The following SLC10A7 variants were observed in gnomAD, a reference collection of about 807,000 sequenced individuals.
SLC10A7 encodes the protein solute carrier family 10 member 7, also known as sodium/bile acid cotransporter 7.
In SLC10A7, 29 loss-of-function variants were observed where a neutral mutation model predicts 43.2. The observed-to-expected ratio is 0.67, with a 90% CI of 0.50 to 0.92. SLC10A7 has a LOEUF of 0.92. Among genes scored for constraint, SLC10A7 ranks in the 40% least tolerant of loss-of-function variants. The pLI, the probability that SLC10A7 is intolerant of heterozygous loss-of-function variation, is 0.00. For missense variants in SLC10A7, 295 were observed against 403.2 expected (o/e 0.73, Z 2.30); for synonymous variants, 152 against 144.8 (o/e 1.05, Z -0.35).
chr4:146,441,560 T>C (rs1428386572), intron 5 of SLC10A7: 1 of 614,788 alleles, frequency 1.6e-6, no homozygotes. Context: ...GTTTTACAGA[T>C]ATTATTCTAT....
intron 5 of SLC10A7, among the ~76,000 whole-genome samples, chr4:146,441,218 A>G (rs1730572458): frequency 6.6e-6 from 1 of 152,204 alleles, no homozygotes; most frequent in Non-Finnish European, 1.5e-5. Context: ...GTGAGAATAC[A>G]CAGCTTCTTA....
chr4:146,362,551 C>A (rs1736119484), intron 5 of SLC10A7, among the ~76,000 whole-genome samples: 1 of 151,932 alleles, frequency 6.6e-6, no homozygotes, highest in South Asian at 2.1e-4. Context: ...TGTAAGTACA[C>A]AAATACAGAA....
At chr4:146,282,434 G>A (rs1042424877) in intron 10 of SLC10A7, among the ~76,000 whole-genome samples, 2 of 152,162 alleles carry the variant, frequency 1.3e-5, no homozygotes, top group South Asian at 2.1e-4. Context: ...GTGCTAAAAT[G>A]TAGAGAAATT....
At chr4:146,374,953 C>T (rs2149784083) in intron 5 of SLC10A7, among the ~76,000 whole-genome samples, 1 of 152,246 alleles carries the variant, frequency 6.6e-6, no homozygotes, top group East Asian at 1.9e-4. Context: ...CGCCTGTAAT[C>T]CTAGCACTTT....
At chr4:146,360,308 G>T (rs1735953862) in intron 5 of SLC10A7, among the ~76,000 whole-genome samples, 1 of 151,898 alleles carries the variant, frequency 6.6e-6, no homozygotes, top group African/African-American at 2.4e-5. Flanking sequence ...AGCCAGAATG[G>T]GCCTTCTAAG....
intron 5 of SLC10A7, 53 bp from the exon 6 acceptor site, chr4:146,326,049 C>T: frequency 2.6e-6 from 4 of 1,535,638 alleles, no homozygotes; most frequent in South Asian, 1.2e-5. Context: ...AAGCAGGACA[C>T]TTTCTTTGCC....
At chr4:146,288,834 A>C (rs1488807119) in intron 9 of SLC10A7, among the ~76,000 whole-genome samples, 1 of 152,086 alleles carries the variant, frequency 6.6e-6, no homozygotes, top group East Asian at 1.9e-4. Context: ...GATTCTTTTG[A>C]TCACTTTGCC....
chr4:146,427,399 C>T (rs951763050), intron 5 of SLC10A7, among the ~76,000 whole-genome samples: 2 of 152,060 alleles, frequency 1.3e-5, no homozygotes, highest in African/African-American at 2.4e-5. Context: ...TTTTTTAACA[C>T]TGGTTTGCAC....
intron 11 of SLC10A7, 57 bp from the exon 12 acceptor site, chr4:146,256,577 C>A: frequency 1.3e-6 from 2 of 1,552,766 alleles, no homozygotes; most frequent in Non-Finnish European, 1.8e-6. Context: ...AAAGTGAAAG[C>A]ATCAATTAAC....
At chr4:146,455,893 G>A (rs1443566049) in intron 4 of SLC10A7, among the ~76,000 whole-genome samples, 1 of 151,718 alleles carries the variant, frequency 6.6e-6, no homozygotes, top group African/African-American at 2.4e-5. Context: ...TCTAATGTTA[G>A]GTCCCCTGAG....
intron 5 of SLC10A7, among the ~76,000 whole-genome samples, chr4:146,430,698 G>C (rs1453370868): frequency 6.6e-6 from 1 of 152,068 alleles, no homozygotes; most frequent in Non-Finnish European, 1.5e-5. Context: ...TAGCAAAAAA[G>C]AAAGCTATAA....
At chr4:146,345,420 CAT>C (rs1466790347) in intron 5 of SLC10A7, among the ~76,000 whole-genome samples, 2 of 152,168 alleles carry the variant, frequency 1.3e-5, no homozygotes, top group African/African-American at 2.4e-5. Context: ...TGGTCTACAA[CAT>C]TCTGTATTAT....
At chr4:146,487,917 G>A (rs940284744) in intron 4 of SLC10A7, among the ~76,000 whole-genome samples, 2 of 151,812 alleles carry the variant, frequency 1.3e-5, no homozygotes, top group African/African-American at 4.8e-5. Flanking sequence ...AAATTAGACA[G>A]GCATAGTGGT....
intron 7 of SLC10A7, among the ~76,000 whole-genome samples, chr4:146,305,343 C>T (rs1363997641): frequency 4.7e-5 from 7 of 150,140 alleles, no homozygotes; most frequent in Non-Finnish European, 1.5e-5. Flanking sequence ...CCAAACACCA[C>T]ATATTCTCAC....
intron 5 of SLC10A7, among the ~76,000 whole-genome samples, chr4:146,344,204 T>C (rs1734457403): frequency 6.6e-6 from 1 of 152,044 alleles, no homozygotes; most frequent in Non-Finnish European, 1.5e-5. Context: ...CGGGAAGCTA[T>C]GCAGAAATCA....
chr4:146,335,093 T>A (rs1733786361), intron 5 of SLC10A7, among the ~76,000 whole-genome samples: 1 of 151,838 alleles, frequency 6.6e-6, no homozygotes, highest in Non-Finnish European at 1.5e-5. Context: ...GATGGCTGGA[T>A]GTCAGGAGAA....
Position 146,306,102 on chromosome 4 carries a change from C to T in SLC10A7, c.472-93G>A, listed in dbSNP as rs182292415. The T allele has an allele frequency of 1.7e-3, 1,761 of 1,011,208 alleles. 16 individuals carry two copies. Among genetic ancestry groups the T allele is most frequent in the South Asian group, 0.014 (464 of 32,152 alleles). 62.6% of individuals were successfully genotyped at this position (1,011,208 alleles called of 1,614,324 possible). On this transcript the variant is annotated intron_variant, in intron 6 of 11. Coordinates refer to ENST00000335472, the MANE Select transcript of SLC10A7 (RefSeq NM_001029998.6). ...AATGCAATAAATAGATTTTCTCAGG[C>T]GCACCAAAAATTTGGTAGCTATCTA...
At chr4:146,398,338 C>T (rs190424953) in intron 5 of SLC10A7, among the ~76,000 whole-genome samples, 4 of 152,242 alleles carry the variant, frequency 2.6e-5, no homozygotes, top group Admixed American at 2.6e-4. Flanking sequence ...GAATGTGTGG[C>T]ATCCATTATA....
chr4:146,460,372 G>C (rs996660483), intron 4 of SLC10A7, among the ~76,000 whole-genome samples: 4 of 151,948 alleles, frequency 2.6e-5, no homozygotes, highest in African/African-American at 9.7e-5. Context: ...CATTCACACA[G>C]ACTTGTATTC....
Sources: gnomAD v4.1 joint callset for allele counts (sites outside exome capture counted in the v4.1 genomes callset) on GRCh38, gnomAD v4.1.1 for gene constraint, MANE v1.5 for transcripts, NCBI Gene and HGNC (gene_info 2026-07-23, HGNC 2026-07-21) for gene names.